Variants in DNAAF4 observed in about 807,000 individuals in gnomAD.
The protein encoded by DNAAF4 is dynein assembly factor 4, axonemal.
DNAAF4 carries 43 observed loss-of-function variants against 51.8 expected under a neutral mutation model. The ratio of observed to expected loss-of-function variants is 0.83; its 90% CI spans 0.65 to 1.07. The LOEUF (loss-of-function observed/expected upper bound fraction) is 1.07, where lower values mean the gene tolerates loss of function less well. DNAAF4 is among the 50% of genes least tolerant of loss of function. The pLI, the probability that DNAAF4 is intolerant of heterozygous loss-of-function variation, is 0.00. For synonymous variants in DNAAF4, 194 were observed against 165.6 expected (o/e 1.17, Z -1.32); for missense variants, 581 against 493.0 (o/e 1.18, Z -1.69).
intron 7 of DNAAF4, among the ~76,000 whole-genome samples, chr15:55,435,605 T>C (rs1319364173): frequency 2.0e-5 from 3 of 152,170 alleles, no homozygotes; most frequent in Non-Finnish European, 4.4e-5. Flanking sequence ...TTACTTGAAA[T>C]AGAAAACACC....
intron 6 of DNAAF4, chr15:55,442,591 T>A: frequency 7.6e-7 from 1 of 1,319,188 alleles, no homozygotes. Flanking sequence ...AACTGCTTCT[T>A]CTGGAGGGGA....
intron 4 of DNAAF4, among the ~76,000 whole-genome samples, chr15:55,469,026 C>T (rs1349547656): frequency 1.3e-5 from 2 of 151,922 alleles, no homozygotes; most frequent in African/African-American, 4.8e-5. Context: ...CTACATGTAC[C>T]AAAGAAAAAC....
chr15:55,483,833 CTT>C lies in DNAAF4; in HGVS notation c.405+7288_405+7289del, dbSNP rs71105887. Among the ~76,000 whole-genome samples the C allele has an allele frequency of 2.6e-3, 212 of 82,212 alleles. 1 individual carries two copies. Among genetic ancestry groups the C allele is most frequent in the Non-Finnish European group, 4.0e-3 (180 of 45,436 alleles). The allele number at this position is 82,212 out of a possible 152,430, so 53.9% of individuals were successfully genotyped here. A position where few individuals can be genotyped will look rare whatever the true frequency, so the allele number is the denominator to read the frequency against. On this transcript the variant is annotated intron_variant, in intron 4 of 9. Transcript: ENST00000321149. ...GAGCCATCACACCCAGCCAATAAAG[CTT>C]TTTTTTTTTTTTTTTTTTTTTTTTT...
chr15:55,488,678 G>A (rs1290311067), intron 4 of DNAAF4, among the ~76,000 whole-genome samples: 5 of 152,160 alleles, frequency 3.3e-5, no homozygotes, highest in African/African-American at 9.7e-5. Context: ...TGTGGAACAG[G>A]ATACTGGCTT....
chr15:55,446,128 G>A (rs7176557), intron 6 of DNAAF4, among the ~76,000 whole-genome samples: 30,355 of 131,426 alleles, frequency 0.23, 4,226 homozygotes, highest in Non-Finnish European at 0.33. Context: ...AGGCAGAGGC[G>A]CTCCTCACTT....
At position 55,453,310 on chromosome 15, in the gene DNAAF4, T is replaced by C. The variant is rs141921314; in HGVS notation, c.638-2943A>G. On this transcript the variant is annotated intron_variant, in intron 5 of 9. Transcript: ENST00000321149. ...CACACTAAGAAGTTTTTGCAGAAGA[T>C]TAGTGGTCAGGCAAAAAAGCACAAT... Among the ~76,000 whole-genome samples the C allele has an allele frequency of 3.2e-3, 490 of 152,260 alleles. 3 individuals are homozygous for C. The highest frequency in any genetic ancestry group is 0.011 in the African/African-American group (469 of 41,550).
chr15:55,504,943 C>T (rs201267495), intron 1 of DNAAF4, among the ~76,000 whole-genome samples: 1 of 152,118 alleles, frequency 6.6e-6, no homozygotes, highest in South Asian at 2.1e-4. Context: ...AACTAAAGAG[C>T]TTCTGCACAG....
intron 7 of DNAAF4, among the ~76,000 whole-genome samples, chr15:55,422,044 A>G (rs1328011983): frequency 1.3e-5 from 2 of 151,742 alleles, no homozygotes; most frequent in Non-Finnish European, 2.9e-5. Context: ...GCATGTATAA[A>G]TACATATTTT....
chr15:55,490,745 A>G (rs1051666557), intron 4 of DNAAF4, among the ~76,000 whole-genome samples: 1 of 152,102 alleles, frequency 6.6e-6, no homozygotes, highest in African/African-American at 2.4e-5. Flanking sequence ...CGAGGTCAGG[A>G]GATCGAGACC....
rs1555422053 is a variant in DNAAF4, at chr15:55,501,013, A to AAT, written c.-255-2430_-255-2429insAT. Among the ~76,000 whole-genome samples the AAT allele has an allele frequency of 1.9e-4, 27 of 142,546 alleles. 2 individuals are homozygous for AAT. Among genetic ancestry groups the AAT allele is most frequent in the African/African-American group, 2.4e-4 (9 of 37,230 alleles). The allele number at this position is 142,546 out of a possible 152,430, so 93.5% of individuals were successfully genotyped here. ...GTCTCAAAAAAAAAAAAAAAAAAAAATGGAAACTTAAAAAAAAAAATACCT... is the reference window on the plus strand; with the variant it reads ...GTCTCAAAAAAAAAAAAAAAAAAAAAATTGGAAACTTAAAAAAAAAAATACCT... On this transcript the variant is annotated intron_variant, in intron 1 of 9. Transcript: ENST00000321149.
In DNAAF4 at chr15:55,447,447, C is replaced by A. The variant is rs886440889; in HGVS notation, c.783+2775G>T. Among the ~76,000 whole-genome samples, 6 of 151,800 alleles carry A rather than the reference C, an allele frequency of 4.0e-5. No homozygotes were observed. The South Asian group carries it at 1.2e-3, about 32-fold the overall frequency. On this transcript the variant is annotated intron_variant, in intron 6 of 9. Transcript: ENST00000321149. ...GGCGGCTGGGAGGTGGAGGTTGTAGCGAGCCGAGATCATGCCACTGCACTC... is the reference window on the plus strand; with the variant it reads ...GGCGGCTGGGAGGTGGAGGTTGTAGAGAGCCGAGATCATGCCACTGCACTC...
chr15:55,430,686 G>C lies in DNAAF4; in HGVS notation c.1247C>G (p.Thr416Arg). ...AEKIRNVIQG[T>R]ELKS The stretch of plus-strand genomic sequence containing the variant: ...TAATAGTCATTAAGATTTTAGTTCT[G>C]TTCCTTGAATTACATTCCGAATCTT... Residue 416 changes from threonine (T) to arginine (R), a missense_variant, in exon 10 of 10, where the codon ACA becomes AGA. Coordinates refer to ENST00000321149, the MANE Select transcript of DNAAF4 (RefSeq NM_130810.4). The C allele has an allele frequency of 6.2e-7, 1 of 1,612,530 alleles. No individual in the cohort carries two copies. Among genetic ancestry groups the C allele is most frequent in the Non-Finnish European group, 8.5e-7 (1 of 1,179,282 alleles).
In DNAAF4 at chr15:55,450,363, T is replaced by A; in HGVS notation, c.642A>T (p.Arg214Ser). The A allele has an allele frequency of 6.2e-7, 1 of 1,608,252 alleles. No individual in the cohort carries two copies. Among genetic ancestry groups the A allele is most frequent in the East Asian group, 2.2e-5 (1 of 44,826 alleles). ...TCTCAGTAAATATATTTTCTGAATT[T>A]CTCCCTTCAAAAACAATGGTAGCAA... The part of the protein sequence containing the change: ...LASRNLAPKG[R>S]NSENIFTEKL... Residue 214 changes from arginine to serine, a missense_variant, in exon 6 of 10, where the codon AGA (arginine) becomes AGT (serine). By Grantham distance (110) the Arg-to-Ser change is moderately radical. Transcript: ENST00000321149.
At chr15:55,474,466 G>A (rs1015714469) in intron 4 of DNAAF4, among the ~76,000 whole-genome samples, 3 of 151,984 alleles carry the variant, frequency 2.0e-5, no homozygotes, top group Admixed American at 6.6e-5. Flanking sequence ...CCCAGAAGAC[G>A]GAGGTTGCAG....
intron 5 of DNAAF4, among the ~76,000 whole-genome samples, chr15:55,465,395 C>T (rs1402758519): frequency 1.3e-4 from 18 of 144,000 alleles, no homozygotes; most frequent in South Asian, 4.4e-4. Flanking sequence ...TGTATATATA[C>T]ACACACACAC....
chr15:55,419,106 C>T (rs1327079871), intron 7 of DNAAF4, among the ~76,000 whole-genome samples: 2 of 152,024 alleles, frequency 1.3e-5, no homozygotes, highest in Non-Finnish European at 2.9e-5. Context: ...TTAGTAGAGA[C>T]GGGGTTTCAC....
chr15:55,450,674 TA>T (rs898045958), intron 5 of DNAAF4, among the ~76,000 whole-genome samples: 13 of 152,214 alleles, frequency 8.5e-5, no homozygotes, highest in Non-Finnish European at 1.5e-4. Context: ...GAAGGGCACA[TA>T]GGCAAAACCA....
At chr15:55,422,504 A>G (rs2057397101) in intron 7 of DNAAF4, among the ~76,000 whole-genome samples, 1 of 152,186 alleles carries the variant, frequency 6.6e-6, no homozygotes. Context: ...GCAAAGAACA[A>G]GAAGAAACAA....
intron 6 of DNAAF4, among the ~76,000 whole-genome samples, chr15:55,447,193 G>C (rs1427372098): frequency 1.3e-5 from 2 of 151,002 alleles, no homozygotes; most frequent in Admixed American, 6.6e-5. Flanking sequence ...CGGCCGGGCA[G>C]AGGCGCTCCT....
Sources: gnomAD v4.1 joint callset for allele counts (sites outside exome capture counted in the v4.1 genomes callset) on GRCh38, gnomAD v4.1.1 for gene constraint, MANE v1.5 for transcripts, NCBI Gene and HGNC (gene_info 2026-07-23, HGNC 2026-07-21) for gene names.